Variants in KIAA1549 observed in about 807,000 individuals in gnomAD.
The protein encoded by KIAA1549 is KIAA1549, also known as UPF0606 protein KIAA1549.
In KIAA1549, 70 loss-of-function variants were observed where a neutral mutation model predicts 156.4. The ratio of observed to expected loss-of-function variants is 0.45; its 90% CI spans 0.37 to 0.55. The LOEUF (loss-of-function observed/expected upper bound fraction) is 0.55, where lower values mean the gene tolerates loss of function less well. Among genes scored for constraint, KIAA1549 ranks in the 20% least tolerant of loss-of-function variants. The pLI, the probability that KIAA1549 is intolerant of heterozygous loss-of-function variation, is 0.00. For synonymous variants in KIAA1549, 1,103 were observed against 1,066.4 expected, an observed-to-expected ratio of 1.03 and a Z score of -0.67; for missense variants, 2,428 against 2,540.9, an observed-to-expected ratio of 0.96 and a Z score of 0.96.
At chr7:138,965,237 G>A (rs568725522) in intron 1 of KIAA1549, among the ~76,000 whole-genome samples, 16 of 152,214 alleles carry the variant, frequency 1.1e-4, no homozygotes, top group African/African-American at 2.9e-4. Context: ...GAAAGTTCTA[G>A]GCAGAGGGAA....
intron 15 of KIAA1549, among the ~76,000 whole-genome samples, 191 bp from the exon 16 acceptor site, chr7:138,861,647 T>C (rs1357853174): frequency 6.8e-6 from 1 of 146,244 alleles, no homozygotes; most frequent in Non-Finnish European, 1.5e-5. Flanking sequence ...AGGCCAGGAG[T>C]TCGAGACCAG....
At chr7:138,878,079 A>G (rs1811136996) in intron 12 of KIAA1549, among the ~76,000 whole-genome samples, 1 of 152,242 alleles carries the variant, frequency 6.6e-6, no homozygotes, top group East Asian at 1.9e-4. Flanking sequence ...ATGGTGCTAA[A>G]TAATTTTTAA....
At chr7:138,849,395 C>A (rs1035626406) in intron 17 of KIAA1549, among the ~76,000 whole-genome samples, 3 of 151,932 alleles carry the variant, frequency 2.0e-5, no homozygotes, top group African/African-American at 7.3e-5. Context: ...GCAAAACTTC[C>A]CCCCTAAACA....
intron 6 of KIAA1549, among the ~76,000 whole-genome samples, chr7:138,906,304 C>A (rs1457233112): frequency 6.6e-6 from 1 of 152,142 alleles, no homozygotes; most frequent in African/African-American, 2.4e-5. Flanking sequence ...CAGGGTGAAC[C>A]TTAATGTAAA....
rs770116503 is a variant in KIAA1549 at position 138,918,040 on chromosome 7, G to C, written c.1586C>G (p.Ser529Cys). The C allele has an allele frequency of 2.5e-6, 4 of 1,611,294 alleles. No homozygotes were observed. Among genetic ancestry groups the C allele is most frequent in the Non-Finnish European group, 1.7e-6 (2 of 1,178,674 alleles). Reference sequence around the variant, plus strand: ...AGTAGGATCAAGTGACGCCGGCACAGAGAGGCGGCCGTGGGCAGGGGGAAC... The same window carrying C: ...AGTAGGATCAAGTGACGCCGGCACACAGAGGCGGCCGTGGGCAGGGGGAAC... ...TQVPPAHGRL[S>C]VPASLDPTAG... is the part of the protein sequence containing the mutation. The change falls in exon 2 of 20, where the codon TCT becomes TGT. Residue 529 changes from serine (S) to cysteine (C), a missense_variant. Around this residue, in one of 5 missense-constraint regions of KIAA1549, gnomAD observed 893 missense variants for 847.9 expected, o/e 1.05. Transcript: ENST00000422774. The surrounding 1 kb of genome is among the most constrained non-coding windows in gnomAD (Gnocchi z 4.2).
Position 138,863,986 on chromosome 7 carries a change from T to C in KIAA1549, c.4930-2530A>G, listed in dbSNP as rs183848806. ...CACAGTCATGCCCTTCTCCAATTCT[T>C]GATTTTCTTGAGGAGCAGATGAGGA... On this transcript the variant is annotated intron_variant, in intron 15 of 19. Coordinates refer to ENST00000422774, the MANE Select transcript of KIAA1549 (RefSeq NM_001164665.2). 3.8e-3 allele frequency among the ~76,000 whole-genome samples: 580 copies of C among 152,260 alleles called. 4 individuals carry two copies. The highest frequency in any genetic ancestry group is 0.024 in the Middle Eastern group (7 of 294).
intron 1 of KIAA1549, among the ~76,000 whole-genome samples, chr7:138,939,563 G>A (rs1813113226): frequency 6.6e-6 from 1 of 152,116 alleles, no homozygotes; most frequent in Non-Finnish European, 1.5e-5. Context: ...CTTATAAACT[G>A]GTAGTTAGAT....
chr7:138,834,320 G>A lies in KIAA1549; in HGVS notation c.*3586C>T, dbSNP rs978486658. The A allele has an allele frequency of 5.3e-6, 1 of 187,924 alleles. No homozygotes were observed. Among genetic ancestry groups the A allele is most frequent in the African/African-American group, 2.3e-5 (1 of 42,780 alleles). The allele number at this position is 187,924 out of a possible 1,614,324, so 11.6% of individuals were successfully genotyped here. A position where few individuals can be genotyped will look rare whatever the true frequency, so the allele number is the denominator to read the frequency against. ...GCGCCACCACACCCAGCTAGTTTTT[G>A]TATTTTTTTGTAGAGACGGGGTTTT... On this transcript the variant is annotated 3_prime_UTR_variant, in exon 20 of 20. Transcript: ENST00000422774.
chr7:138,879,538 C>G lies in KIAA1549; in HGVS notation c.4345G>C (p.Gly1449Arg). 6.4e-7 allele frequency: 1 copy of G among 1,550,988 alleles called. No homozygotes were observed. The highest frequency in any genetic ancestry group is 8.7e-7 in the Non-Finnish European group (1 of 1,144,842). Residue 1449 changes from glycine to arginine, a missense_variant and splice_region_variant, in exon 12 of 20, where the codon GGG becomes CGG. This residue lies in a region of KIAA1549 where 404 missense variants were observed against 417.0 expected (regional missense o/e 0.97). Coordinates refer to ENST00000422774, the MANE Select transcript of KIAA1549 (RefSeq NM_001164665.2). The stretch of plus-strand genomic sequence containing the variant: ...GGGAAGAACCAGAAGAGTCACAGAC[C>G]GCTCTGCGGAGCTCTGTGGGACCTG... ...DGRSHRAPQSGPPLPSSGNEQ... is the reference protein window; with the variant it reads ...DGRSHRAPQSRPPLPSSGNEQ...
rs370118437 is a variant in KIAA1549 at position 138,881,502 on chromosome 7, T to C, written c.4115A>G (p.His1372Arg). 18 of 1,613,898 alleles carry C rather than the reference T, an allele frequency of 1.1e-5. No homozygotes were observed. Among genetic ancestry groups the C allele is most frequent in the Non-Finnish European group, 1.4e-5 (17 of 1,179,892 alleles). The stretch of plus-strand genomic sequence containing the variant: ...AGGTCCTGGCAGTGGCGCTGGCTCA[T>C]GAATAATCAATATGTCGTCTTTATT... ...QHNKDDILIIHEPAPLPGPLK... is the reference protein window; with the variant it reads ...QHNKDDILIIREPAPLPGPLK... Residue 1372 changes from histidine (H) to arginine (R), a missense_variant, in exon 11 of 20, where the codon CAT becomes CGT. Around this residue, in one of 5 missense-constraint regions of KIAA1549, gnomAD observed 762 missense variants for 901.6 expected, o/e 0.85. Coordinates refer to ENST00000422774, the MANE Select transcript of KIAA1549 (RefSeq NM_001164665.2).
rs760217499 is a variant in KIAA1549, at chr7:138,909,039, G to C, written c.3228C>G (p.Leu1076=). ...QRIEKGLMTA[L]FEVRKHHQGT... ...CCTGGTGGTGTTTTCTCACTTCAAA[G>C]AGAGCTGTCATTAGGCCTTTCTCAA... Residue 1076 remains leucine (L), a synonymous_variant, in exon 5 of 20, where the codon CTC becomes CTG. Transcript: ENST00000422774. 1.4e-5 allele frequency: 22 copies of C among 1,613,940 alleles called. No homozygotes were observed. The highest frequency in any genetic ancestry group is 1.1e-4 in the East Asian group (5 of 44,898).
intron 4 of KIAA1549, among the ~76,000 whole-genome samples, 196 bp downstream of exon 4, chr7:138,910,950 C>T (rs373841908): frequency 2.6e-5 from 4 of 151,712 alleles, no homozygotes; most frequent in Non-Finnish European, 4.4e-5. Context: ...GAGGATTGTT[C>T]GAGCTCAGGG....
chr7:138,844,103 G>T (rs568944184), intron 18 of KIAA1549, among the ~76,000 whole-genome samples: 10 of 152,320 alleles, frequency 6.6e-5, no homozygotes, highest in African/African-American at 2.4e-4. Flanking sequence ...AATTTCACAT[G>T]AAGGGCCTGG....
Position 138,831,730 on chromosome 7 carries a change from C to G in KIAA1549, c.*6176G>C, listed in dbSNP as rs1394496639. 2 of 231,486 alleles carry G rather than the reference C, an allele frequency of 8.6e-6. No homozygotes were observed. The highest frequency in any genetic ancestry group is 1.7e-5 in the Non-Finnish European group (2 of 116,964). The allele number at this position is 231,486 out of a possible 1,614,324, so 14.3% of individuals were successfully genotyped here. A position where few individuals can be genotyped will look rare whatever the true frequency, so the allele number is the denominator to read the frequency against. ...TCTAGGGATGAGTGTGCAGGAAGAG[C>G]CAGAAAAACATGGACCTTGACAAAG... is the stretch of plus-strand genomic sequence containing the variant. On this transcript the variant is annotated 3_prime_UTR_variant, in exon 20 of 20. Coordinates refer to ENST00000422774, the MANE Select transcript of KIAA1549 (RefSeq NM_001164665.2).
chr7:138,908,182 A>C (rs1389065034), intron 5 of KIAA1549, among the ~76,000 whole-genome samples: 1 of 143,296 alleles, frequency 7.0e-6, no homozygotes, highest in Non-Finnish European at 1.6e-5. Flanking sequence ...ACAGAAACTA[A>C]CAGCACGAAA....
In KIAA1549 at chr7:138,831,983, G is replaced by T. The variant is rs1392696632; in HGVS notation, c.*5923C>A. The T allele has an allele frequency of 8.6e-6, 2 of 232,308 alleles. No homozygotes were observed. Among genetic ancestry groups the T allele is most frequent in the Non-Finnish European group, 1.7e-5 (2 of 117,550 alleles). The allele number at this position is 232,308 out of a possible 1,614,324, so 14.4% of individuals were successfully genotyped here. A position where few individuals can be genotyped will look rare whatever the true frequency, so the allele number is the denominator to read the frequency against. On this transcript the variant is annotated 3_prime_UTR_variant, in exon 20 of 20. Transcript: ENST00000422774. The stretch of plus-strand genomic sequence containing the variant: ...TCTTCTTTCCCCACATTTGCAGGAG[G>T]AACAGTACAGCATATGCGACTTGAA...
intron 1 of KIAA1549, among the ~76,000 whole-genome samples, chr7:138,970,961 A>C (rs1438020277): frequency 0.013 from 1 of 76 alleles, no homozygotes; most frequent in African/African-American, 0.05. Flanking sequence ...CAAAGAAGAA[A>C]GAAGTGACAG....
At chr7:138,877,913 G>A (rs1219038188) in intron 12 of KIAA1549, among the ~76,000 whole-genome samples, 1 of 152,048 alleles carries the variant, frequency 6.6e-6, no homozygotes, top group East Asian at 1.9e-4. Context: ...ACCATCAGAA[G>A]GCATTAAATG....
intron 7 of KIAA1549, among the ~76,000 whole-genome samples, chr7:138,904,412 C>T (rs1010737765): frequency 6.6e-6 from 1 of 152,180 alleles, no homozygotes; most frequent in Non-Finnish European, 1.5e-5. Flanking sequence ...GCTGTGTGTT[C>T]GGCAAGGAGA....
Sources: gnomAD v4.1 joint callset for allele counts (sites outside exome capture counted in the v4.1 genomes callset) on GRCh38, gnomAD v4.1.1 for gene constraint, gnomAD v4.1.1 regional missense constraint, Gnocchi (gnomAD v3.1) non-coding constraint, MANE v1.5 for transcripts, NCBI Gene and HGNC (gene_info 2026-07-23, HGNC 2026-07-21) for gene names.